Variants in ZNF568 observed in about 807,000 individuals in gnomAD.
ZNF568 encodes p53 inhibitor of SCO2 activation.
Under a neutral mutation model 18.1 loss-of-function variants are expected in ZNF568, and 11 were observed. That is an observed-to-expected ratio of 0.61 (90% CI 0.38 to 1.00). The LOEUF (loss-of-function observed/expected upper bound fraction) is 1.00, where lower values mean the gene tolerates loss of function less well. ZNF568 is among the 50% of genes least tolerant of loss of function. The probability of loss-of-function intolerance (pLI) is 0.01; values close to 1 mark genes in which losing one functional copy is unlikely to be tolerated. For missense variants in ZNF568, 639 were observed against 768.2 expected, an observed-to-expected ratio of 0.83 and a Z score of 1.99; for synonymous variants, 213 against 246.6, an observed-to-expected ratio of 0.86 and a Z score of 1.28.
chr19:36,994,480 A>C (rs2074452663), intron 4 of ZNF568, among the ~76,000 whole-genome samples: 1 of 152,132 alleles, frequency 6.6e-6, no homozygotes, highest in African/African-American at 2.4e-5. Context: ...CTGCCTAGCT[A>C]TTCTATCCAT....
intron 6 of ZNF568, among the ~76,000 whole-genome samples, chr19:36,959,203 T>A (rs2074130260): frequency 6.6e-6 from 1 of 152,198 alleles, no homozygotes; most frequent in African/African-American, 2.4e-5. Flanking sequence ...TGTGCCTAGC[T>A]TGTTGAAGTT....
intron 3 of ZNF568, among the ~76,000 whole-genome samples, chr19:36,924,451 T>C (rs888241608): frequency 6.6e-6 from 1 of 151,080 alleles, no homozygotes; most frequent in Admixed American, 6.6e-5. Context: ...ACTCCTGACC[T>C]CGTGATCCGC....
chr19:36,924,848 A>G (rs2073524982), intron 3 of ZNF568, among the ~76,000 whole-genome samples: 1 of 151,928 alleles, frequency 6.6e-6, no homozygotes, highest in Admixed American at 6.6e-5. Flanking sequence ...AAAAGAAAAA[A>G]AAATTTTAAA....
chr19:36,951,181 A>G lies in ZNF568; in HGVS notation c.*93A>G. The G allele has an allele frequency of 7.9e-7, 1 of 1,265,796 alleles. No individual in the cohort carries two copies. Among genetic ancestry groups the G allele is most frequent in the Non-Finnish European group, 1.1e-6 (1 of 946,396 alleles). The allele number at this position is 1,265,796 out of a possible 1,614,324, so 78.4% of individuals were successfully genotyped here. A position where few individuals can be genotyped will look rare whatever the true frequency, so the allele number is the denominator to read the frequency against. On this transcript the variant is annotated 3_prime_UTR_variant, in exon 7 of 7. Transcript: ENST00000333987. ...CCAGGATCTTTATGGAAAAATTTTA[A>G]TACTTTGTTAAAAGGTGTAAGACTG...
chr19:36,929,238 G>A (rs2073639254), intron 4 of ZNF568, among the ~76,000 whole-genome samples: 1 of 152,156 alleles, frequency 6.6e-6, no homozygotes, highest in Admixed American at 6.5e-5. Context: ...ATTCTATTAT[G>A]TATCTTAAAA....
intron 6 of ZNF568, among the ~76,000 whole-genome samples, chr19:36,959,502 T>C (rs1181064842): frequency 6.6e-6 from 1 of 151,542 alleles, no homozygotes; most frequent in Non-Finnish European, 1.5e-5. Context: ...CTGGTTTTGG[T>C]AATAGGATGA....
At position 36,952,055 on chromosome 19, in the gene ZNF568, T is replaced by TTTG. The variant is rs1491387376; in HGVS notation, c.*967_*968insTTG. On this transcript the variant is annotated 3_prime_UTR_variant, in exon 7 of 7. Transcript: ENST00000333987. ...CCAAGGAGCTTTTTTTTTTTTTTTT[T>TTTG]CAAGACAAAAGGACTCTGTAATTCC... 9 of 951,904 alleles carry TTTG rather than the reference T, an allele frequency of 9.5e-6. No individual in the cohort carries two copies. The highest frequency in any genetic ancestry group is 5.3e-4 in the Middle Eastern group (1 of 1,890). The allele number at this position is 951,904 out of a possible 1,614,324, so 59.0% of individuals were successfully genotyped here.
chr19:36,971,942 G>A (rs573506943), intron 6 of ZNF568, among the ~76,000 whole-genome samples: 2 of 150,770 alleles, frequency 1.3e-5, no homozygotes, highest in African/African-American at 4.9e-5. Context: ...CAGATTCAAG[G>A]TATTCTCTTA....
rs111539244 is a variant in ZNF568, at chr19:36,924,917, C to T, written c.77-283C>T. Reference sequence around the variant, plus strand: ...ATTATTATGTACTTAAGATAAACTTCCTGTTAGAAATAAAACAGCAAGATT... The same window carrying T: ...ATTATTATGTACTTAAGATAAACTTTCTGTTAGAAATAAAACAGCAAGATT... On this transcript the variant is annotated intron_variant, in intron 3 of 6. Coordinates refer to ENST00000333987, the MANE Select transcript of ZNF568 (RefSeq NM_198539.4). 3.2e-3 allele frequency among the ~76,000 whole-genome samples: 485 copies of T among 152,032 alleles called. 3 individuals are homozygous for T. Among genetic ancestry groups the T allele is most frequent in the African/African-American group, 0.011 (466 of 41,504 alleles).
chr19:36,994,150 C>G (rs1404118586), intron 4 of ZNF568, among the ~76,000 whole-genome samples: 1 of 151,126 alleles, frequency 6.6e-6, no homozygotes, highest in East Asian at 1.9e-4. Flanking sequence ...TAATTTTCTT[C>G]ATGATTTCTT....
chr19:36,929,197 C>T (rs1308087530), intron 4 of ZNF568, among the ~76,000 whole-genome samples: 1 of 152,136 alleles, frequency 6.6e-6, no homozygotes, highest in Non-Finnish European at 1.5e-5. Context: ...TTTATTCCCT[C>T]ACTGTAAACT....
chr19:36,963,915 C>A (rs1008766569), intron 6 of ZNF568, among the ~76,000 whole-genome samples: 1 of 143,782 alleles, frequency 7.0e-6, no homozygotes, highest in Non-Finnish European at 1.5e-5. Context: ...TGCAGTGAGC[C>A]GAGATTGTGC....
intron 6 of ZNF568, chr19:36,974,382 G>A: frequency 6.5e-7 from 1 of 1,533,876 alleles, no homozygotes; most frequent in East Asian, 2.4e-5. Context: ...GAGGGATTCA[G>A]GATGGCTTCT....
chr19:36,952,995 CTGA>C (rs1251885007), downstream of ZNF568, among the ~76,000 whole-genome samples: 2 of 152,286 alleles, frequency 1.3e-5, no homozygotes, highest in South Asian at 2.1e-4. Context: ...CTCCTTTCAA[CTGA>C]TGATATCTTA....
intron 5 of ZNF568, 116 bp downstream of exon 5, chr19:36,936,988 T>C (rs2073801164): frequency 5.8e-6 from 8 of 1,390,138 alleles, no homozygotes; most frequent in Non-Finnish European, 7.0e-6. Context: ...TGTGACTATA[T>C]GTGCTCCACT....
chr19:36,945,210 AGTGTGTGTGTGTGTGTGTGTGTGT>A (rs10616521), intron 6 of ZNF568, among the ~76,000 whole-genome samples: 2 of 141,958 alleles, frequency 1.4e-5, no homozygotes, highest in Admixed American at 7.2e-5. Flanking sequence ...CAGAGAGAGA[AGTGTGTGTGTGTGTGTGTGTGTGT>A]GTGTGTGTGT....
intron 6 of ZNF568, among the ~76,000 whole-genome samples, chr19:36,974,257 A>G (rs541030856): frequency 6.6e-6 from 1 of 152,216 alleles, no homozygotes; most frequent in South Asian, 2.1e-4. Flanking sequence ...CTGGGCTCCT[A>G]AGGTCACCTG....
chr19:36,923,240 A>G (rs531978573), intron 3 of ZNF568, among the ~76,000 whole-genome samples: 1 of 152,112 alleles, frequency 6.6e-6, no homozygotes, highest in African/African-American at 2.4e-5. Flanking sequence ...TCAGTTTTAG[A>G]TATTTCCTGT....
intron 4 of ZNF568, among the ~76,000 whole-genome samples, chr19:36,994,296 C>G (rs1163476144): frequency 6.6e-6 from 1 of 152,116 alleles, no homozygotes; most frequent in African/African-American, 2.4e-5. Flanking sequence ...AATCCTCTTA[C>G]ATTTATTGAG....
Sources: gnomAD v4.1 joint callset for allele counts (sites outside exome capture counted in the v4.1 genomes callset) on GRCh38, gnomAD v4.1.1 for gene constraint, MANE v1.5 for transcripts, NCBI Gene and HGNC (gene_info 2026-07-23, HGNC 2026-07-21) for gene names.